Variants in BPTF observed in about 807,000 individuals in gnomAD.
BPTF encodes bromodomain PHD finger transcription factor, also known as nucleosome-remodeling factor subunit BPTF.
A neutral mutation model predicts 292.5 loss-of-function variants in BPTF; 18 were observed. That is an observed-to-expected ratio of 0.06 (90% confidence interval 0.04 to 0.09). BPTF has a LOEUF of 0.09. Ranked by LOEUF, BPTF falls within the 10% of genes least tolerant of loss-of-function variation. The pLI, the probability that BPTF is intolerant of heterozygous loss-of-function variation, is 1.00. For missense variants in BPTF, 2,726 were observed against 3,498.7 expected (o/e 0.78, Z 5.57); for synonymous variants, 1,225 against 1,251.9 (o/e 0.98, Z 0.45).
At chr17:67,866,734 A>AC (rs1177814894) in intron 3 of BPTF, 47 bp downstream of exon 3, 1 of 1,501,016 alleles carries the variant, frequency 6.7e-7, no homozygotes, top group African/African-American at 1.4e-5. Context: ...TCTGAGCTAA[A>AC]CCGTTGGTAT....
chr17:67,838,073 G>T (rs56011159), intron 1 of BPTF, among the ~76,000 whole-genome samples: 3,905 of 152,254 alleles, frequency 0.026, 191 homozygotes, highest in African/African-American at 0.088. Context: ...TTGTTCTTAG[G>T]TTACCAATTA....
At chr17:67,973,031 A>G (rs1372285087) in intron 26 of BPTF, among the ~76,000 whole-genome samples, 1 of 144,172 alleles carries the variant, frequency 6.9e-6, no homozygotes, top group Non-Finnish European at 1.5e-5. Flanking sequence ...ACTAAAATAT[A>G]TATATTTATA....
Position 67,944,224 on chromosome 17 carries a change from A to G in BPTF, c.6552A>G (p.Gln2184=), listed in dbSNP as rs782770116. The G allele has an allele frequency of 2.5e-6, 4 of 1,614,104 alleles. No homozygotes were observed. Among genetic ancestry groups the G allele is most frequent in the Non-Finnish European group, 3.4e-6 (4 of 1,180,042 alleles). ...CTGGACAGTTGCAGTTGATACCTCA[A>G]GGGGTGACTGTACTCCCAGGCCCAG... ...QTTGQLQLIP[Q]GVTVLPGPGQ... is the part of the protein sequence containing the mutation. Residue 2184 remains glutamine, a synonymous_variant, in exon 20 of 28, where the codon CAA becomes CAG. Transcript: ENST00000306378.
intron 27 of BPTF, among the ~76,000 whole-genome samples, chr17:67,981,117 C>T (rs2030465952): frequency 6.6e-6 from 1 of 152,150 alleles, no homozygotes; most frequent in Non-Finnish European, 1.5e-5. Flanking sequence ...TGTGATTGCG[C>T]CACTGCACTC....
At position 67,843,166 on chromosome 17, in the gene BPTF, A is replaced by G. The variant is rs888432597; in HGVS notation, c.614-10774A>G. ...TACATATAAATATATATCTACATATATAGATACATATAGATATCTACATAC... is the reference window on the plus strand; with the variant it reads ...TACATATAAATATATATCTACATATGTAGATACATATAGATATCTACATAC... On this transcript the variant is annotated intron_variant, in intron 1 of 27. Coordinates refer to ENST00000306378, the MANE Select transcript of BPTF (RefSeq NM_182641.4). Among the ~76,000 whole-genome samples, 3 of 150,376 alleles carry G rather than the reference A, an allele frequency of 2.0e-5. No homozygotes were observed. In the South Asian group the frequency reaches 6.3e-4, roughly 31 times the overall value.
At chr17:67,826,702 G>C (rs1362367179) in intron 1 of BPTF, among the ~76,000 whole-genome samples, 1 of 151,628 alleles carries the variant, frequency 6.6e-6, no homozygotes, top group Non-Finnish European at 1.5e-5. Context: ...CCTTGTTTTG[G>C]TGTGGTTTTC....
chr17:67,848,627 A>G (rs1166426819), intron 1 of BPTF, among the ~76,000 whole-genome samples: 1 of 152,232 alleles, frequency 6.6e-6, no homozygotes, highest in East Asian at 1.9e-4. Context: ...TTAACAGATT[A>G]TGACTACAGT....
At chr17:67,939,887 A>C (rs77617229) in intron 18 of BPTF, among the ~76,000 whole-genome samples, 4 of 152,244 alleles carry the variant, frequency 2.6e-5, no homozygotes, top group Admixed American at 6.5e-5. Flanking sequence ...CTCAAAAAAA[A>C]GAAAAGCATT....
At chr17:67,950,343 TA>T (rs1318713834) in intron 23 of BPTF, among the ~76,000 whole-genome samples, 1 of 151,962 alleles carries the variant, frequency 6.6e-6, no homozygotes, top group African/African-American at 2.4e-5. Flanking sequence ...TGTGAAACAT[TA>T]GAGATCTTCC....
intron 27 of BPTF, among the ~76,000 whole-genome samples, chr17:67,979,429 C>T (rs1555695811): frequency 6.6e-6 from 1 of 151,618 alleles, no homozygotes; most frequent in East Asian, 2.0e-4. Flanking sequence ...TGCCTGTAAT[C>T]CCAGCTACTC....
chr17:67,899,616 C>A (rs975417266), intron 7 of BPTF, among the ~76,000 whole-genome samples: 2 of 151,494 alleles, frequency 1.3e-5, no homozygotes, highest in African/African-American at 2.4e-5. Context: ...CTGCAACCTC[C>A]ACCTCCCGGG....
intron 18 of BPTF, 150 bp downstream of exon 18, chr17:67,932,169 CATTG>C (rs563424982): frequency 1.1e-5 from 7 of 651,802 alleles, no homozygotes; most frequent in South Asian, 1.1e-4. Flanking sequence ...GAGCTCTATT[CATTG>C]ATATTATTTC....
intron 1 of BPTF, among the ~76,000 whole-genome samples, chr17:67,830,523 G>A (rs1179547107): frequency 1.3e-5 from 2 of 152,010 alleles, no homozygotes; most frequent in Non-Finnish European, 2.9e-5. Flanking sequence ...AGTGCAGTGG[G>A]CATTTTAAGG....
intron 23 of BPTF, among the ~76,000 whole-genome samples, chr17:67,949,646 T>C (rs1265540864): frequency 8.6e-6 from 1 of 116,732 alleles, no homozygotes; most frequent in African/African-American, 2.8e-5. Context: ...CGTACATATA[T>C]ATATATACAC....
chr17:67,912,341 A>G lies in BPTF; in HGVS notation c.4457A>G (p.His1486Arg). The G allele has an allele frequency of 6.2e-7, 1 of 1,614,054 alleles. No individual in the cohort carries two copies. The highest frequency in any genetic ancestry group is 8.5e-7 in the Non-Finnish European group (1 of 1,179,972). Residue 1486 changes from histidine to arginine, a missense_variant, in exon 11 of 28, where the codon CAT (histidine) becomes CGT (arginine). Physicochemically the swap from His to Arg is conservative, Grantham distance 29. Around this residue, in one of 22 missense-constraint regions of BPTF, gnomAD observed 713 missense variants for 714.9 expected, o/e 1.00. Transcript: ENST00000306378. ...AGAAACAGCTCCGAAACAAAATCGC[A>G]TTTGCTGAGTTCTTCAGATGCTGAA... is the stretch of plus-strand genomic sequence containing the variant. ...NERNSSETKSHLLSSSDAEGN... is the reference protein window; with the variant it reads ...NERNSSETKSRLLSSSDAEGN...
intron 13 of BPTF, among the ~76,000 whole-genome samples, chr17:67,920,995 C>A (rs2063393100): frequency 6.6e-6 from 1 of 150,692 alleles, no homozygotes; most frequent in Admixed American, 6.6e-5. Context: ...TTACTTGAGT[C>A]CAGGAGTTCG....
rs767023939 is a variant in BPTF at position 67,866,528 on chromosome 17, G to A, written c.1501G>A (p.Ala501Thr). ...GTATTACAGCACAAAGGTCCAACTT[G>A]CAGAATTAATTGACTGTCTAGACAA... ...IWYYSTKVQLAELIDCLDKDY... is the reference protein window; with the variant it reads ...IWYYSTKVQLTELIDCLDKDY... The change falls in exon 3 of 28, where the codon GCA (alanine) becomes ACA (threonine). Residue 501 changes from alanine to threonine, a missense_variant. Ala to Thr is a moderately conservative substitution (Grantham distance 58). This residue lies in a region of BPTF where 187 missense variants were observed against 201.5 expected (regional missense o/e 0.93). Coordinates refer to ENST00000306378, the MANE Select transcript of BPTF (RefSeq NM_182641.4). The A allele has an allele frequency of 6.2e-6, 10 of 1,614,128 alleles. No homozygotes were observed. Among genetic ancestry groups the A allele is most frequent in the Middle Eastern group, 1.7e-4 (1 of 6,060 alleles).
At chr17:67,981,749 C>T (rs2070385726) in intron 27 of BPTF, 1 of 982,060 alleles carries the variant, frequency 1.0e-6, no homozygotes. Context: ...GTGAATAAAA[C>T]TGTGAAACTA....
At chr17:67,913,275 A>G (rs554258799) in intron 11 of BPTF, 88 bp downstream of exon 11, 1 of 1,465,794 alleles carries the variant, frequency 6.8e-7, no homozygotes, top group South Asian at 1.4e-5. Context: ...AAAATGAGAT[A>G]ATAGAGATAA....
Sources: allele counts gnomAD v4.1 joint callset (sites outside exome capture counted in the v4.1 genomes callset), GRCh38; gene constraint gnomAD v4.1.1; regional missense constraint gnomAD v4.1.1; transcripts MANE v1.5; gene names NCBI Gene and HGNC (gene_info 2026-07-23, HGNC 2026-07-21).